Variants in FAT1 observed in about 807,000 individuals in gnomAD.
FAT1 encodes the protein FAT atypical cadherin 1, also known as protocadherin Fat 1.
A neutral mutation model predicts 329.8 loss-of-function variants in FAT1; 171 were observed. The ratio of observed to expected loss-of-function variants is 0.52; its 90% CI spans 0.46 to 0.59. The LOEUF is 0.59. Among genes scored for constraint, FAT1 ranks in the 20% least tolerant of loss-of-function variants. The pLI is 0.00. For missense variants in FAT1, 5,672 were observed against 5,774.4 expected, an observed-to-expected ratio of 0.98 and a Z score of 0.57; for synonymous variants, 2,233 against 2,228.6, an observed-to-expected ratio of 1.00 and a Z score of -0.06.
chr4:186,600,022 G>A lies in FAT1; in HGVS notation c.11979C>T (p.Pro3993=). The A allele has an allele frequency of 6.2e-7, 1 of 1,613,990 alleles. No individual in the cohort carries two copies. Among genetic ancestry groups the A allele is most frequent in the Non-Finnish European group, 8.5e-7 (1 of 1,179,886 alleles). ...NGQELPLNSK[P]RSYAHIEESV... ...ACTCTTCGATGTGTGCATAGCTTCT[G>A]GGTTTGCTGTTTAAAGGGAGCTCCT... The change falls in exon 22 of 27, where the codon CCC becomes CCT. Residue 3993 remains proline, a synonymous_variant. Transcript: ENST00000441802.
chr4:186,609,840 G>A lies in FAT1; in HGVS notation c.10029C>T (p.Val3343=). Residue 3343 remains valine (V), a synonymous_variant, in exon 15 of 27, where the codon GTC becomes GTT. Coordinates refer to ENST00000441802, the MANE Select transcript of FAT1 (RefSeq NM_005245.4). ...GCTCAAGAACGGCATCTTCACTGAT[G>A]ACTGTCGTGTAGGTGTCTTGGCTGA... ...PVFSQDTYTT[V]ISEDAVLEQS... is the part of the protein sequence containing the mutation. 6.2e-7 allele frequency: 1 copy of A among 1,613,808 alleles called. No individual in the cohort carries two copies. The highest frequency in any genetic ancestry group is 8.5e-7 in the Non-Finnish European group (1 of 1,179,716).
At chr4:186,644,261 T>C (rs972787727) in intron 3 of FAT1, among the ~76,000 whole-genome samples, 2 of 152,194 alleles carry the variant, frequency 1.3e-5, no homozygotes, top group Non-Finnish European at 2.9e-5. Flanking sequence ...GACTCATCAT[T>C]AGTCATTTAA....
At chr4:186,716,972 G>A (rs1579505713) in intron 1 of FAT1, among the ~76,000 whole-genome samples, 1 of 151,908 alleles carries the variant, frequency 6.6e-6, no homozygotes, top group Non-Finnish European at 1.5e-5. Flanking sequence ...TAGTAGAGAC[G>A]GCCAGGCTAA....
At chr4:186,595,103 T>C (rs900978469) in intron 26 of FAT1, among the ~76,000 whole-genome samples, 6 of 152,176 alleles carry the variant, frequency 3.9e-5, no homozygotes, top group Admixed American at 3.3e-4. Flanking sequence ...AAGATCCCAC[T>C]GTTAAACTTT....
chr4:186,609,459 C>G (rs1739295682), intron 15 of FAT1, 139 bp from the exon 16 acceptor site: 11 of 1,039,912 alleles, frequency 1.1e-5, no homozygotes, highest in Non-Finnish European at 1.5e-5. Context: ...CTCTGTCACT[C>G]AGGCTGGAGT....
chr4:186,716,022 C>T (rs1745189207), intron 1 of FAT1, among the ~76,000 whole-genome samples: 1 of 152,136 alleles, frequency 6.6e-6, no homozygotes. Context: ...GAAAACCTAA[C>T]TGCATATATT....
At chr4:186,661,130 G>C (rs1275767805) in intron 3 of FAT1, among the ~76,000 whole-genome samples, 3 of 152,224 alleles carry the variant, frequency 2.0e-5, no homozygotes, top group Admixed American at 1.3e-4. Context: ...GTTGTGGGGA[G>C]GGGTACATAT....
chr4:186,589,455 G>A (rs1000010747), intron 26 of FAT1, among the ~76,000 whole-genome samples: 3 of 152,054 alleles, frequency 2.0e-5, no homozygotes, highest in Non-Finnish European at 2.9e-5. Context: ...TTTTATGTAC[G>A]CAACTAACAT....
At position 186,613,218 on chromosome 4, in the gene FAT1, C is replaced by G. The variant is rs1242348615; in HGVS notation, c.9354G>C (p.Val3118=). The G allele has an allele frequency of 1.2e-6, 2 of 1,613,914 alleles. No homozygotes were observed. Among genetic ancestry groups the G allele is most frequent in the East Asian group, 4.5e-5 (2 of 44,870 alleles). The change falls in exon 13 of 27, where the codon GTG becomes GTC. Residue 3118 remains valine (V), a synonymous_variant. Coordinates refer to ENST00000441802, the MANE Select transcript of FAT1 (RefSeq NM_005245.4). ...CAGAGAATTCGGGGGCGTTATCGTT[C>G]ACATCTTCTAGCGTGAGCACAATAC... ...QASIVLTLED[V]NDNAPEFSAD...
intron 1 of FAT1, among the ~76,000 whole-genome samples, chr4:186,715,616 T>A (rs747144839): frequency 1.6e-4 from 24 of 152,128 alleles, no homozygotes; most frequent in Non-Finnish European, 3.4e-4. Flanking sequence ...CCAACACCAT[T>A]TCATCTAAAA....
In FAT1 at chr4:186,620,129, T is replaced by A; in HGVS notation, c.6457A>T (p.Thr2153Ser). 6.2e-7 allele frequency: 1 copy of A among 1,614,030 alleles called. No homozygotes were observed. The highest frequency in any genetic ancestry group is 8.5e-7 in the Non-Finnish European group (1 of 1,179,898). The change falls in exon 10 of 27, where the codon ACA (threonine) becomes TCA (serine). Residue 2153 changes from threonine to serine, a missense_variant. Physicochemically the swap from Thr to Ser is moderately conservative, Grantham distance 58 (BLOSUM62 1). Coordinates refer to ENST00000441802, the MANE Select transcript of FAT1 (RefSeq NM_005245.4). ...TTCCCTCCATCTTTTGCAACCACTGTAACAAGATATTCTTTATTTAAGGTG... is the reference window on the plus strand; with the variant it reads ...TTCCCTCCATCTTTTGCAACCACTGAAACAAGATATTCTTTATTTAAGGTG... ...LDTLNKEYLV[T>S]VVAKDGGNPA...
rs1223633596 is a variant in FAT1 at position 186,596,757 on chromosome 4, T to G, written c.12783A>C (p.Pro4261=). Residue 4261 remains proline (P), a synonymous_variant, in exon 25 of 27, where the codon CCA becomes CCC. Coordinates refer to ENST00000441802, the MANE Select transcript of FAT1 (RefSeq NM_005245.4). The surrounding 1 kb of genome is among the most constrained non-coding windows in gnomAD (Gnocchi z 4.7). ...VRPISYTPSI[P]SDSRNNLDRN... ...GGTCCAGATTGTTTCTTGAGTCACT[T>G]GGAATACTCGGGGTGTAGGAAATAG... 2.5e-6 allele frequency: 4 copies of G among 1,613,896 alleles called. No individual in the cohort carries two copies. Among genetic ancestry groups the G allele is most frequent in the African/African-American group, 2.7e-5 (2 of 74,940 alleles).
intron 1 of FAT1, among the ~76,000 whole-genome samples, chr4:186,716,214 C>T (rs1268258933): frequency 2.6e-5 from 4 of 152,208 alleles, no homozygotes; most frequent in East Asian, 1.9e-4. Flanking sequence ...TGGAACAGGA[C>T]ATTATTAAAC....
intron 4 of FAT1, among the ~76,000 whole-genome samples, chr4:186,638,122 C>CA (rs1344380236): frequency 6.6e-6 from 1 of 152,184 alleles, no homozygotes; most frequent in Non-Finnish European, 1.5e-5. Context: ...ATCTTTAAGA[C>CA]AGCCAAATCA....
chr4:186,663,370 G>A lies in FAT1; in HGVS notation c.3509C>T (p.Ser1170Phe), dbSNP rs371498445. The A allele has an allele frequency of 6.2e-7, 1 of 1,613,922 alleles. No homozygotes were observed. Among genetic ancestry groups the A allele is most frequent in the East Asian group, 2.2e-5 (1 of 44,876 alleles). ...AATTTTGTACATGAGCTTGTCATTA[G>A]AGCTCGAATCTGGATCAAATGCCTC... ...QIEAFDPDSSSNDKLMYKITS... is the reference protein window; with the variant it reads ...QIEAFDPDSSFNDKLMYKITS... The change falls in exon 3 of 27, where the codon TCT becomes TTT. Residue 1170 changes from serine to phenylalanine, a missense_variant. Ser to Phe is a radical substitution (Grantham distance 155). Transcript: ENST00000441802.
chr4:186,621,796 A>C (rs759100680), intron 9 of FAT1, 21 bp from the exon 10 acceptor site: 15 of 1,477,230 alleles, frequency 1.0e-5, no homozygotes, highest in African/African-American at 1.4e-5. Flanking sequence ...AGGAAAAAAT[A>C]CATGTTACAG....
rs770135503 is a variant in FAT1, at chr4:186,636,705, A to T, written c.3852T>A (p.Asn1284Lys). The change falls in exon 5 of 27, where the codon AAT becomes AAA. Residue 1284 changes from asparagine to lysine, a missense_variant. Coordinates refer to ENST00000441802, the MANE Select transcript of FAT1 (RefSeq NM_005245.4). ...VIATDKDEGP[N>K]AEISYSIEDG... The stretch of plus-strand genomic sequence containing the variant: ...CTTCGATGCTGTAGGAGATTTCTGC[A>T]TTGGGGCCCTCATCCTTGTCGGTGG... 6.2e-7 allele frequency: 1 copy of T among 1,613,690 alleles called. No individual in the cohort carries two copies. The highest frequency in any genetic ancestry group is 8.5e-7 in the Non-Finnish European group (1 of 1,179,840).
upstream of FAT1, among the ~76,000 whole-genome samples, chr4:186,724,830 T>C: frequency 6.6e-6 from 1 of 152,152 alleles, no homozygotes. This position sits in a 1 kb window ranked among gnomAD's most constrained non-coding sequence, Gnocchi z 5.3. Context: ...GACTCAGGCA[T>C]TTTAACACTG....
At position 186,680,446 on chromosome 4, in the gene FAT1, G is replaced by T. The variant is rs532125558; in HGVS notation, c.3266-16833C>A. 2.0e-3 allele frequency among the ~76,000 whole-genome samples: 305 copies of T among 152,202 alleles called. 4 individuals are homozygous for T. Among genetic ancestry groups the T allele is most frequent in the Non-Finnish European group, 3.5e-4 (24 of 68,016 alleles). ...GAATAGGCTTTAATTACACACGACC[G>T]TTTCTGTAACATTTCTCTCTTCAGG... is the stretch of plus-strand genomic sequence containing the variant. On this transcript the variant is annotated intron_variant, in intron 2 of 26. Transcript: ENST00000441802.
Sources: gnomAD v4.1 joint callset for allele counts (sites outside exome capture counted in the v4.1 genomes callset) on GRCh38, gnomAD v4.1.1 for gene constraint, Gnocchi (gnomAD v3.1) non-coding constraint, MANE v1.5 for transcripts, NCBI Gene and HGNC (gene_info 2026-07-23, HGNC 2026-07-21) for gene names.